The following LGR6 variants were observed in gnomAD, a reference collection of about 807,000 sequenced individuals.
LGR6 encodes the protein leucine rich repeat containing G protein-coupled receptor 6.
LGR6 carries 45 observed loss-of-function variants against 69.4 expected under a neutral mutation model. The ratio of observed to expected loss-of-function variants is 0.65; its 90% CI spans 0.51 to 0.83. The LOEUF (loss-of-function observed/expected upper bound fraction) is 0.83. LGR6 is among the 40% of genes least tolerant of loss of function. The pLI, the probability that LGR6 is intolerant of heterozygous loss-of-function variation, is 0.00. For missense variants in LGR6, 1,108 were observed against 1,246.7 expected, an observed-to-expected ratio of 0.89 and a Z score of 1.68; for synonymous variants, 538 against 555.0, an observed-to-expected ratio of 0.97 and a Z score of 0.43.
intron 2 of LGR6, among the ~76,000 whole-genome samples, chr1:202,226,441 G>A (rs878870538): frequency 7.2e-5 from 11 of 152,038 alleles, no homozygotes; most frequent in African/African-American, 2.4e-4. Flanking sequence ...TCCTGGCCCC[G>A]AAAGCATTCA....
At position 202,193,907 on chromosome 1, in the gene LGR6, C is replaced by T. The variant is rs1658528782; in HGVS notation, c.-83C>T. The T allele has an allele frequency of 6.4e-6, 6 of 931,370 alleles. No individual in the cohort carries two copies. Among genetic ancestry groups the T allele is most frequent in the Non-Finnish European group, 7.0e-6 (5 of 713,122 alleles). The allele number at this position is 931,370 out of a possible 1,614,324, so 57.7% of individuals were successfully genotyped here. A position where few individuals can be genotyped will look rare whatever the true frequency, so the allele number is the denominator to read the frequency against. On this transcript the variant is annotated 5_prime_UTR_variant, in exon 1 of 18. Transcript: ENST00000367278. ...GGTCCCCACCGACGGTGCAGCCCGC[C>T]GGGACCGGGAGGAAGCAGCTGCGGC...
chr1:202,200,731 C>T (rs377656531), intron 1 of LGR6, among the ~76,000 whole-genome samples: 11 of 152,174 alleles, frequency 7.2e-5, no homozygotes, highest in African/African-American at 2.4e-4. Flanking sequence ...CAGGTCTCTC[C>T]TCCCGCCCTT....
In LGR6 at chr1:202,235,946, A is replaced by G. The variant is rs1193495947; in HGVS notation, c.381A>G (p.Gly127=). 1 of 1,613,892 alleles carries G rather than the reference A, an allele frequency of 6.2e-7. No homozygotes were observed. The highest frequency in any genetic ancestry group is 1.3e-5 in the African/African-American group (1 of 74,894). ...KILMLQNNQL[G]GIPAEALWEL... ...GGATGCTGCAGAACAATCAGCTGGG[A>G]GGAATCCCCGCAGAGGCGCTGTGGG... is the stretch of plus-strand genomic sequence containing the variant. The change falls in exon 4 of 18, where the codon GGA becomes GGG. Residue 127 remains glycine, a synonymous_variant. Transcript: ENST00000367278.
At chr1:202,249,971 A>G (rs1474924910) in intron 4 of LGR6, among the ~76,000 whole-genome samples, 2 of 152,230 alleles carry the variant, frequency 1.3e-5, no homozygotes, top group Non-Finnish European at 2.9e-5. Context: ...TCCTGAAGAC[A>G]AAGCCCAAAC....
At chr1:202,283,828 C>G (rs1043398261) in intron 6 of LGR6, among the ~76,000 whole-genome samples, 6 of 152,240 alleles carry the variant, frequency 3.9e-5, no homozygotes, top group African/African-American at 1.4e-4. Context: ...CACAAATGCA[C>G]CTGCAGCAAC....
In LGR6 at chr1:202,318,947, G is replaced by C; in HGVS notation, c.2644G>C (p.Ala882Pro). 1 of 1,613,822 alleles carries C rather than the reference G, an allele frequency of 6.2e-7. No homozygotes were observed. Residue 882 changes from alanine to proline, a missense_variant, in exon 18 of 18, where the codon GCT (alanine) becomes CCT (proline). Transcript: ENST00000367278. ...CTCTGATGTGGATCTCATTCTGGAA[G>C]CTTCTGAAGCTGGGCGGCCCCCTGG... The part of the protein sequence containing the change: ...AFSDVDLILE[A>P]SEAGRPPGLE...
At chr1:202,221,241 C>T (rs2167588) in intron 1 of LGR6, among the ~76,000 whole-genome samples, 54,090 of 151,850 alleles carry the variant, frequency 0.36, 9,976 homozygotes, top group Non-Finnish European at 0.41. Context: ...CAGATTGCCT[C>T]GGCGGAGGGT....
At chr1:202,225,270 C>T in intron 1 of LGR6, 153 bp from the exon 2 acceptor site, 1 of 685,204 alleles carries the variant, frequency 1.5e-6, no homozygotes, top group South Asian at 1.6e-5. Context: ...GAGAACGCAG[C>T]TGCTGTTGTC....
intron 3 of LGR6, among the ~76,000 whole-genome samples, chr1:202,235,131 TAG>T (rs1269504763): frequency 6.6e-6 from 1 of 152,200 alleles, no homozygotes; most frequent in East Asian, 1.9e-4. Context: ...TGGGGTTGGC[TAG>T]AGTCAGCAGT....
At position 202,224,754 on chromosome 1, in the gene LGR6, G is replaced by A. The variant is rs1019134887; in HGVS notation, c.213-669G>A. The stretch of plus-strand genomic sequence containing the variant: ...CTCAGGCGGGAGTGCTCACCAGCCT[G>A]CTCACCTCCCTCTCTATGTTCCGCC... On this transcript the variant is annotated intron_variant, in intron 1 of 17. Coordinates refer to ENST00000367278, the MANE Select transcript of LGR6 (RefSeq NM_001017403.2). Among the ~76,000 whole-genome samples the A allele has an allele frequency of 2.6e-5, 4 of 152,206 alleles. No individual in the cohort carries two copies. In the East Asian group the frequency reaches 5.8e-4, roughly 22 times the overall value.
chr1:202,217,836 A>G (rs549998061), intron 1 of LGR6, among the ~76,000 whole-genome samples: 94 of 152,348 alleles, frequency 6.2e-4, no homozygotes, highest in African/African-American at 2.2e-3. Context: ...TTATTTAAAA[A>G]TACAGCATTG....
Position 202,243,929 on chromosome 1 carries a change from AAAAC to A in LGR6, c.428+7940_428+7943del, listed in dbSNP as rs536280303. Among the ~76,000 whole-genome samples the A allele has an allele frequency of 2.6e-3, 374 of 146,604 alleles. 1 individual carries two copies. The highest frequency in any genetic ancestry group is 9.4e-3 in the African/African-American group (360 of 38,408). On this transcript the variant is annotated intron_variant, in intron 4 of 17. Transcript: ENST00000367278. ...GGTGAAGGACTAAAGATAAGAATAA[AAAAC>A]AAAGTCTTTTTGTTGTTGTTGTTGT...
At chr1:202,264,063 G>T (rs1036072428) in intron 4 of LGR6, among the ~76,000 whole-genome samples, 13 of 152,048 alleles carry the variant, frequency 8.5e-5, no homozygotes, top group Non-Finnish European at 2.9e-5. Flanking sequence ...GGAGGGATGT[G>T]GGGCCAGGAA....
chr1:202,251,112 C>T (rs1261326109), intron 4 of LGR6, among the ~76,000 whole-genome samples: 2 of 152,088 alleles, frequency 1.3e-5, no homozygotes, highest in Non-Finnish European at 2.9e-5. Flanking sequence ...TAAAACGAGA[C>T]GATCACAGAT....
intron 1 of LGR6, among the ~76,000 whole-genome samples, chr1:202,205,347 T>TCCAAACACACACACAC (rs1163169301): frequency 1.7e-4 from 4 of 23,792 alleles, no homozygotes; most frequent in Admixed American, 5.9e-4. Flanking sequence ...ACACACCTCC[T>TCCAAACACACACACAC]TCAAACACAC....
At chr1:202,300,624 C>T (rs788821) in intron 7 of LGR6, among the ~76,000 whole-genome samples, 67,296 of 150,116 alleles carry the variant, frequency 0.45, 16,916 homozygotes, top group East Asian at 0.71. Context: ...CGCATCATTG[C>T]ACTCCAGCCT....
At position 202,319,477 on chromosome 1, in the gene LGR6, C is replaced by CTT; in HGVS notation, c.*273_*274dup. 1 of 417,258 alleles carries CTT rather than the reference C, an allele frequency of 2.4e-6. No individual in the cohort carries two copies. The highest frequency in any genetic ancestry group is 3.9e-5 in the East Asian group (1 of 25,698). The allele number at this position is 417,258 out of a possible 1,614,324, so 25.8% of individuals were successfully genotyped here. A position where few individuals can be genotyped will look rare whatever the true frequency, so the allele number is the denominator to read the frequency against. Reference sequence around the variant, plus strand: ...TGAAGCTGTGGACCAGAGACCTGGACTTTTGTCTGCTTAAGGGAAATGAGG... The same window carrying CTT: ...TGAAGCTGTGGACCAGAGACCTGGACTTTTTTGTCTGCTTAAGGGAAATGAGG... On this transcript the variant is annotated 3_prime_UTR_variant, in exon 18 of 18. Coordinates refer to ENST00000367278, the MANE Select transcript of LGR6 (RefSeq NM_001017403.2).
chr1:202,283,089 G>A lies in LGR6; in HGVS notation c.716+2237G>A, dbSNP rs116402002. 3.3e-5 allele frequency among the ~76,000 whole-genome samples: 5 copies of A among 152,292 alleles called. No homozygotes were observed. In the East Asian group the frequency reaches 9.6e-4, roughly 29 times the overall value. ...ATAGTTAACTAATCTTACAGGGTTG[G>A]CCTGTGGATTAAGTGAGATGATGTG... On this transcript the variant is annotated intron_variant, in intron 6 of 17. Coordinates refer to ENST00000367278, the MANE Select transcript of LGR6 (RefSeq NM_001017403.2).
intron 3 of LGR6, among the ~76,000 whole-genome samples, chr1:202,232,798 C>T (rs1399292239): frequency 6.6e-6 from 1 of 152,178 alleles, no homozygotes; most frequent in African/African-American, 2.4e-5. Flanking sequence ...AAGCATTGGC[C>T]CGAGAGACAG....
Sources: allele counts gnomAD v4.1 joint callset (sites outside exome capture counted in the v4.1 genomes callset), GRCh38; gene constraint gnomAD v4.1.1; transcripts MANE v1.5; gene names NCBI Gene and HGNC (gene_info 2026-07-23, HGNC 2026-07-21).